Variants in ZNF28 observed in about 807,000 individuals in gnomAD.
The protein encoded by ZNF28 is zinc finger protein 28.
Under a neutral mutation model 7.2 loss-of-function variants are expected in ZNF28, and 5 were observed. That is an observed-to-expected ratio of 0.70 (90% CI 0.36 to 1.46). ZNF28 has a LOEUF of 1.46. Ranked by LOEUF, ZNF28 falls within the 40% of genes most tolerant of loss-of-function variation. The pLI is 0.03. For synonymous variants in ZNF28, 288 were observed against 292.4 expected, an observed-to-expected ratio of 0.99 and a Z score of 0.15; for missense variants, 879 against 866.6, an observed-to-expected ratio of 1.01 and a Z score of -0.18.
intron 3 of ZNF28, among the ~76,000 whole-genome samples, chr19:52,803,576 T>C (rs1239867178): frequency 6.6e-6 from 1 of 152,224 alleles, no homozygotes; most frequent in Non-Finnish European, 1.5e-5. Flanking sequence ...AAACTTGTAC[T>C]TACCACCAGC....
Position 52,800,749 on chromosome 19 carries a change from GATTAAAA to G in ZNF28, c.1089_1095del (p.Phe364AspfsTer66). 2 of 1,612,984 alleles carry G rather than the reference GATTAAAA, an allele frequency of 1.2e-6. No homozygotes were observed. Among genetic ancestry groups the G allele is most frequent in the East Asian group, 4.5e-5 (2 of 44,772 alleles). On this transcript the variant is annotated frameshift_variant, in exon 4 of 4. Coordinates refer to ENST00000457749, the MANE Select transcript of ZNF28 (RefSeq NM_006969.5). LOFTEE classifies it low-confidence loss of function (END_TRUNC). Reference sequence around the variant, plus strand: ...CGATGGCGTGCAAGGGTTGACAGTCGATTAAAAACCTTGCCACATTCATTACACTTGT... The same window carrying G: ...CGATGGCGTGCAAGGGTTGACAGTCGACCTTGCCACATTCATTACACTTGT...
chr19:52,812,146 G>A lies in ZNF28; in HGVS notation c.16-4013C>T, dbSNP rs1165192146. 1.4e-3 allele frequency among the ~76,000 whole-genome samples: 181 copies of A among 126,002 alleles called. 6 individuals carry two copies. The highest frequency in any genetic ancestry group is 1.9e-3 in the South Asian group (7 of 3,666). The allele number at this position is 126,002 out of a possible 152,430, so 82.7% of individuals were successfully genotyped here. A position where few individuals can be genotyped will look rare whatever the true frequency, so the allele number is the denominator to read the frequency against. On this transcript the variant is annotated intron_variant, in intron 2 of 3. Coordinates refer to ENST00000457749, the MANE Select transcript of ZNF28 (RefSeq NM_006969.5). ...CGCCCCGTCCGGGAGGGTGGTGGGG[G>A]GGTCAGCCCCCCGCCCGGCCAGCCG...
chr19:52,817,258 G>A (rs538453361), intron 2 of ZNF28, among the ~76,000 whole-genome samples: 2 of 152,190 alleles, frequency 1.3e-5, no homozygotes, highest in East Asian at 3.9e-4. Flanking sequence ...TGTAATGCCA[G>A]CTACTCGGGA....
At chr19:52,810,876 TCCCCC>T (rs1568655806) in intron 2 of ZNF28, among the ~76,000 whole-genome samples, 24 of 4,664 alleles carry the variant, frequency 5.1e-3, no homozygotes, top group South Asian at 0.071. Context: ...CCCCTCCCCC[TCCCCC>T]TCCCCCTCCC....
Position 52,818,042 on chromosome 19 carries a change from A to C in ZNF28, c.-73-11T>G. 1 of 1,595,630 alleles carries C rather than the reference A, an allele frequency of 6.3e-7. No individual in the cohort carries two copies. Among genetic ancestry groups the C allele is most frequent in the Non-Finnish European group, 8.6e-7 (1 of 1,169,202 alleles). On this transcript the variant is annotated splice_polypyrimidine_tract_variant and intron_variant, in intron 1 of 3. Transcript: ENST00000457749. ...CTTTAGAAGTCAATCCTGAATGTTA[A>C]AAATATGTTGTTTATTGCTCAGAAT...
Position 52,808,011 on chromosome 19 carries a change from G to A in ZNF28, c.138C>T (p.Ser46=), listed in dbSNP as rs1208116403. Residue 46 remains serine (S), a synonymous_variant, in exon 3 of 4, where the codon TCC becomes TCT. Transcript: ENST00000457749. The part of the protein sequence containing the change: ...VMLENYRNLV[S]LDISSKCMMK... The stretch of plus-strand genomic sequence containing the variant: ...TCCCCAGGAGGTTATCCTCACCCAG[G>A]GAGACCAGGTTCCTATAATTCTCCA... 6.2e-7 allele frequency: 1 copy of A among 1,613,272 alleles called. No homozygotes were observed. The highest frequency in any genetic ancestry group is 1.7e-5 in the Admixed American group (1 of 59,974).
At chr19:52,810,515 A>G in intron 2 of ZNF28, 1 of 1,592,394 alleles carries the variant, frequency 6.3e-7, no homozygotes, top group Admixed American at 1.7e-5. Flanking sequence ...AAGGCAAATC[A>G]AGGTGATCCC....
chr19:52,807,964 T>C (rs2062957364), intron 3 of ZNF28, 43 bp downstream of exon 3: 5 of 1,610,758 alleles, frequency 3.1e-6, no homozygotes, highest in Non-Finnish European at 4.2e-6. Context: ...CAAGAGAAAA[T>C]ACAAAGATAC....
At chr19:52,803,094 T>TTATGTA (rs2062894591) in intron 3 of ZNF28, among the ~76,000 whole-genome samples, 1 of 152,006 alleles carries the variant, frequency 6.6e-6, no homozygotes, top group African/African-American at 2.4e-5. Flanking sequence ...ATTTTTATTT[T>TTATGTA]TTTGAGATAC....
At chr19:52,818,397 A>T (rs1308978465) in intron 1 of ZNF28, among the ~76,000 whole-genome samples, 1 of 151,944 alleles carries the variant, frequency 6.6e-6, no homozygotes, top group Admixed American at 6.6e-5. Context: ...GCCAACATGG[A>T]GAAACCCTCT....
intron 2 of ZNF28, among the ~76,000 whole-genome samples, chr19:52,812,762 TAAAAA>T (rs56944474): frequency 1.6e-3 from 122 of 75,426 alleles, no homozygotes; most frequent in African/African-American, 4.7e-3. Flanking sequence ...GAATGATCAA[TAAAAA>T]AAAAAAAAAA....
chr19:52,818,014 A>G lies in ZNF28; in HGVS notation c.-56T>C. The stretch of plus-strand genomic sequence containing the variant: ...CTGGGTTTCTTCCTCACGTACCAAG[A>G]TTCTTTAGAAGTCAATCCTGAATGT... On this transcript the variant is annotated 5_prime_UTR_variant, in exon 2 of 4. Coordinates refer to ENST00000457749, the MANE Select transcript of ZNF28 (RefSeq NM_006969.5). 4 of 1,608,114 alleles carry G rather than the reference A, an allele frequency of 2.5e-6. No individual in the cohort carries two copies. The Admixed American group carries it at 6.7e-5, about 27-fold the overall frequency.
chr19:52,806,802 T>C (rs1254357558), intron 3 of ZNF28, among the ~76,000 whole-genome samples: 2 of 151,968 alleles, frequency 1.3e-5, no homozygotes, highest in Non-Finnish European at 2.9e-5. Context: ...CTCAGGAATC[T>C]GGGGCATAAG....
At chr19:52,811,156 G>C (rs1259501434) in intron 2 of ZNF28, among the ~76,000 whole-genome samples, 2 of 150,840 alleles carry the variant, frequency 1.3e-5, no homozygotes, top group African/African-American at 4.9e-5. Flanking sequence ...GGCCTCCCGA[G>C]GTGCCGGGAT....
At chr19:52,813,382 G>A (rs1478606219) in intron 2 of ZNF28, among the ~76,000 whole-genome samples, 1 of 151,832 alleles carries the variant, frequency 6.6e-6, no homozygotes. Context: ...ATTCACTCTG[G>A]GGATTCGCCA....
At chr19:52,806,314 C>T (rs973462132) in intron 3 of ZNF28, among the ~76,000 whole-genome samples, 1 of 152,062 alleles carries the variant, frequency 6.6e-6, no homozygotes, top group Non-Finnish European at 1.5e-5. Flanking sequence ...CTGCCTCAGC[C>T]TCCTGAGTAG....
At chr19:52,808,248 C>T (rs1219364249) in intron 2 of ZNF28, 115 bp from the exon 3 acceptor site, 19 of 1,518,804 alleles carry the variant, frequency 1.3e-5, no homozygotes, top group Admixed American at 6.6e-5. Context: ...CTCACAAATC[C>T]GAGTGACGGA....
chr19:52,812,158 C>T (rs1368706120), intron 2 of ZNF28, among the ~76,000 whole-genome samples: 3 of 126,340 alleles, frequency 2.4e-5, no homozygotes, highest in East Asian at 2.3e-4. Flanking sequence ...GTCAGCCCCC[C>T]GCCCGGCCAG....
At chr19:52,809,883 T>A in intron 2 of ZNF28, 1 of 752,344 alleles carries the variant, frequency 1.3e-6, no homozygotes, top group Non-Finnish European at 2.3e-6. Flanking sequence ...CGGTCCGGGA[T>A]CCAGGCCGGG....
Sources: gnomAD v4.1 joint callset for allele counts (sites outside exome capture counted in the v4.1 genomes callset) on GRCh38, gnomAD v4.1.1 for gene constraint, MANE v1.5 for transcripts, NCBI Gene and HGNC (gene_info 2026-07-23, HGNC 2026-07-21) for gene names.